The following REG3A variants were observed in gnomAD, a reference collection of about 807,000 sequenced individuals.
REG3A encodes regenerating islet-derived protein 3-alpha.
In REG3A, 15 loss-of-function variants were observed where a neutral mutation model predicts 20.5. The observed-to-expected ratio is 0.73, with a 90% confidence interval of 0.49 to 1.12. The LOEUF (loss-of-function observed/expected upper bound fraction) is 1.12, where lower values mean the gene tolerates loss of function less well. Among genes scored for constraint, REG3A ranks in the 50% most tolerant of loss-of-function variants. The probability of loss-of-function intolerance (pLI) is 0.00; values close to 1 mark genes in which losing one functional copy is unlikely to be tolerated. For synonymous variants in REG3A, 93 were observed against 83.2 expected, an observed-to-expected ratio of 1.12 and a Z score of -0.64; for missense variants, 224 against 213.1, an observed-to-expected ratio of 1.05 and a Z score of -0.32.
In REG3A at chr2:79,158,771, T is replaced by C; in HGVS notation, c.77-2A>G. ...GCAGTTCCCTCTGGGGTTCTTCACCTGAGGTGGAAGAAGAGGGGGGAGGGT... is the reference window on the plus strand; with the variant it reads ...GCAGTTCCCTCTGGGGTTCTTCACCCGAGGTGGAAGAAGAGGGGGGAGGGT... On this transcript the variant is annotated splice_acceptor_variant, in intron 2 of 5. Coordinates refer to ENST00000305165, the MANE Select transcript of REG3A (RefSeq NM_002580.3). LOFTEE classifies it high-confidence loss of function. 2.5e-6 allele frequency: 4 copies of C among 1,608,706 alleles called. No individual in the cohort carries two copies. Among genetic ancestry groups the C allele is most frequent in the Non-Finnish European group, 3.4e-6 (4 of 1,176,034 alleles).
rs543576857 is a variant in REG3A at position 79,158,590 on chromosome 2, T to C, written c.195+61A>G. The C allele has an allele frequency of 6.8e-5, 110 of 1,606,182 alleles. No homozygotes were observed. In the South Asian group the frequency reaches 1.1e-3, roughly 16 times the overall value. ...CATCCTCATTCCCAAGGAACTCTCCTGAATGGAGACCCTCCTCCCCCTGAG... is the reference window on the plus strand; with the variant it reads ...CATCCTCATTCCCAAGGAACTCTCCCGAATGGAGACCCTCCTCCCCCTGAG... On this transcript the variant is annotated intron_variant, in intron 3 of 5. Transcript: ENST00000305165.
Position 79,157,627 on chromosome 2 carries a change from T to C in REG3A, c.405A>G (p.Arg135=), listed in dbSNP as rs1337250172. Residue 135 remains arginine, a synonymous_variant, in exon 5 of 6, where the codon AGA becomes AGG. Coordinates refer to ENST00000305165, the MANE Select transcript of REG3A (RefSeq NM_002580.3). The stretch of plus-strand genomic sequence containing the variant: ...CGGGGCTTGAGATGGTGGAGGGATT[T>C]CTCTCCCATGCAAAGTAATTCATCA... ...SDVMNYFAWE[R]NPSTISSPGH... is the part of the protein sequence containing the mutation. 1 of 1,614,020 alleles carries C rather than the reference T, an allele frequency of 6.2e-7. No individual in the cohort carries two copies. The highest frequency in any genetic ancestry group is 8.5e-7 in the Non-Finnish European group (1 of 1,180,026).
At chr2:79,157,746 T>C (rs1383334052) in intron 4 of REG3A, 48 bp from the exon 5 acceptor site, 2 of 1,588,890 alleles carry the variant, frequency 1.3e-6, no homozygotes, top group Non-Finnish European at 8.6e-7. Flanking sequence ...CCATTGCAGC[T>C]CTTCTTGCAT....
chr2:79,158,130 A>T (rs1265607261), intron 4 of REG3A, among the ~76,000 whole-genome samples, 196 bp downstream of exon 4: 1 of 152,168 alleles, frequency 6.6e-6, no homozygotes, highest in East Asian at 1.9e-4. Context: ...GATTGATTTT[A>T]TCTGAAAGAT....
At position 79,159,492 on chromosome 2, in the gene REG3A, T is replaced by C. The variant is rs995116675; in HGVS notation, c.-34-53A>G. 7 of 1,305,676 alleles carry C rather than the reference T, an allele frequency of 5.4e-6. No homozygotes were observed. In the African/African-American group the frequency reaches 8.7e-5, roughly 16 times the overall value. 80.9% of individuals were successfully genotyped at this position (1,305,676 alleles called of 1,614,324 possible). A position where few individuals can be genotyped will look rare whatever the true frequency, so the allele number is the denominator to read the frequency against. On this transcript the variant is annotated intron_variant, in intron 1 of 5. Coordinates refer to ENST00000305165, the MANE Select transcript of REG3A (RefSeq NM_002580.3). ...CACACAGATACCCCACTGCCTCATG[T>C]CATTTTCCTTCTCTAGTCCCCTAGG...
At chr2:79,159,546 T>C in intron 1 of REG3A, 107 bp from the exon 2 acceptor site, 1 of 772,160 alleles carries the variant, frequency 1.3e-6, no homozygotes, top group Non-Finnish European at 2.2e-6. Context: ...ACATCCATCA[T>C]CTTCTACAGT....
rs1673346006 is a variant in REG3A at position 79,157,667 on chromosome 2, C to T, written c.365G>A (p.Trp122Ter). The change falls in exon 5 of 6, where the codon TGG becomes TAG. Residue 122 changes from tryptophan to a stop codon, truncating the protein, a stop_gained. Transcript: ENST00000305165. LOFTEE classifies it high-confidence loss of function. ...GTEPNGEGWE[W>*]SSSDVMNYFA... ...GTAATTCATCACATCACTGCTACTCCACTCCCAACCTTCTCCATTGGGCTC... is the reference window on the plus strand; with the variant it reads ...GTAATTCATCACATCACTGCTACTCTACTCCCAACCTTCTCCATTGGGCTC... 1 of 1,614,014 alleles carries T rather than the reference C, an allele frequency of 6.2e-7. No individual in the cohort carries two copies. Among genetic ancestry groups the T allele is most frequent in the African/African-American group, 1.3e-5 (1 of 74,914 alleles).
intron 4 of REG3A, 112 bp downstream of exon 4, chr2:79,158,214 T>A: frequency 1.6e-6 from 2 of 1,268,690 alleles, no homozygotes; most frequent in Non-Finnish European, 2.2e-6. Context: ...CCCCAGAATC[T>A]GAGCTCCAGT....
rs1023666937 is a variant in REG3A, at chr2:79,158,884, C to T, written c.77-115G>A. ...GGAGGAAGACCACATTCCTGACACCCCTTCATCTTCCCTTATGTTTTCAGA... is the reference window on the plus strand; with the variant it reads ...GGAGGAAGACCACATTCCTGACACCTCTTCATCTTCCCTTATGTTTTCAGA... On this transcript the variant is annotated intron_variant, in intron 2 of 5. Transcript: ENST00000305165. The T allele has an allele frequency of 1.5e-5, 11 of 721,474 alleles. 1 individual carries two copies. The South Asian group carries it at 1.9e-4, about 12-fold the overall frequency. The allele number at this position is 721,474 out of a possible 1,614,324, so 44.7% of individuals were successfully genotyped here. A position where few individuals can be genotyped will look rare whatever the true frequency, so the allele number is the denominator to read the frequency against.
intron 3 of REG3A, 89 bp from the exon 4 acceptor site, chr2:79,158,552 A>C (rs1673369844): frequency 6.2e-7 from 1 of 1,603,944 alleles, no homozygotes; most frequent in Non-Finnish European, 8.5e-7. Context: ...ACTGTGTGAA[A>C]GATAAACGTG....
chr2:79,157,522 G>C, intron 5 of REG3A, 50 bp downstream of exon 5: 1 of 1,602,282 alleles, frequency 6.2e-7, no homozygotes, highest in South Asian at 1.1e-5. Flanking sequence ...ACCCAGGAAT[G>C]GGGGATGAGA....
At position 79,157,557 on chromosome 2, in the gene REG3A, T is replaced by G; in HGVS notation, c.460+15A>C. The G allele has an allele frequency of 6.2e-7, 1 of 1,612,490 alleles. No individual in the cohort carries two copies. Among genetic ancestry groups the G allele is most frequent in the Non-Finnish European group, 8.5e-7 (1 of 1,179,248 alleles). The stretch of plus-strand genomic sequence containing the variant: ...ATGGAAAACACTGGGAAGAGGCAGC[T>G]CCTCTGTTTCTTACCTGTGCTTCTC... On this transcript the variant is annotated intron_variant, in intron 5 of 5. Transcript: ENST00000305165.
rs769272898 is a variant in REG3A at position 79,157,704 on chromosome 2, G to C, written c.334-6C>G. 10 of 1,613,202 alleles carry C rather than the reference G, an allele frequency of 6.2e-6. No individual in the cohort carries two copies. In the South Asian group the frequency reaches 8.8e-5, roughly 14 times the overall value. The stretch of plus-strand genomic sequence containing the variant: ...TCTCCATTGGGCTCGGTGCCCTGTA[G>C]AGTAGAGGAGGTAGCCAGGTGAAGG... On this transcript the variant is annotated splice_polypyrimidine_tract_variant and splice_region_variant and intron_variant, in intron 4 of 5. Transcript: ENST00000305165.
At chr2:79,158,540 G>A in intron 3 of REG3A, 77 bp from the exon 4 acceptor site, 2 of 1,604,414 alleles carry the variant, frequency 1.2e-6, no homozygotes, top group South Asian at 1.1e-5. Context: ...GGTGGGAGGA[G>A]GACTGTGTGA....
intron 2 of REG3A, chr2:79,159,047 C>T (rs746272042): frequency 1.9e-5 from 11 of 577,290 alleles, no homozygotes; most frequent in Non-Finnish European, 3.1e-5. Flanking sequence ...TGTCCCTCCC[C>T]ACATCTCATT....
chr2:79,158,376 T>C lies in REG3A; in HGVS notation c.283A>G (p.Ile95Val), dbSNP rs775456518. 10 of 1,614,074 alleles carry C rather than the reference T, an allele frequency of 6.2e-6. No individual in the cohort carries two copies. In the Admixed American group the frequency reaches 1.7e-4, roughly 27 times the overall value. Reference sequence around the variant, plus strand: ...CAGACGTATGAGTAGCTGTTACCAATGCTCTTCACCAGGGAGGACACGAAG... The same window carrying C: ...CAGACGTATGAGTAGCTGTTACCAACGCTCTTCACCAGGGAGGACACGAAG... ...GSFVSSLVKS[I>V]GNSYSYVWIG... The change falls in exon 4 of 6, where the codon ATT becomes GTT. Residue 95 changes from isoleucine (I) to valine (V), a missense_variant. Ile to Val is a conservative substitution (Grantham distance 29). Coordinates refer to ENST00000305165, the MANE Select transcript of REG3A (RefSeq NM_002580.3).
At chr2:79,158,283 T>G in intron 4 of REG3A, 43 bp downstream of exon 4, 2 of 1,597,992 alleles carry the variant, frequency 1.3e-6, no homozygotes, top group Non-Finnish European at 1.7e-6. Context: ...TGGGCAACAA[T>G]AGCACCTTGA....
rs531126939 is a variant in REG3A, at chr2:79,159,312, G to C, written c.76+18C>G. 11 of 1,613,684 alleles carry C rather than the reference G, an allele frequency of 6.8e-6. No individual in the cohort carries two copies. The African/African-American group carries it at 1.1e-4, about 16-fold the overall frequency. On this transcript the variant is annotated intron_variant, in intron 2 of 5. Coordinates refer to ENST00000305165, the MANE Select transcript of REG3A (RefSeq NM_002580.3). ...AGGATTCATAGGGAACCCAGTGCTA[G>C]AGGCAAAGCAATCTCACCTTGAACC...
chr2:79,158,842 C>A (rs1673381383), intron 2 of REG3A, 73 bp from the exon 3 acceptor site: 6 of 1,176,892 alleles, frequency 5.1e-6, no homozygotes, highest in African/African-American at 3.0e-5. Context: ...TTGGGGAATA[C>A]CTAGGAATGT....
Sources: allele counts gnomAD v4.1 joint callset (sites outside exome capture counted in the v4.1 genomes callset), GRCh38; gene constraint gnomAD v4.1.1; transcripts MANE v1.5; gene names NCBI Gene and HGNC (gene_info 2026-07-23, HGNC 2026-07-21).